The following STARD3 variants were observed in gnomAD, a reference collection of about 807,000 sequenced individuals.
STARD3 encodes the protein stAR-related lipid transfer protein 3.
STARD3 carries 39 observed loss-of-function variants against 62.0 expected under a neutral mutation model. That is an observed-to-expected ratio of 0.63 (90% CI 0.49 to 0.82). The LOEUF (loss-of-function observed/expected upper bound fraction) is 0.82, where lower values mean the gene tolerates loss of function less well. STARD3 is among the 40% of genes least tolerant of loss of function. The probability of loss-of-function intolerance (pLI) is 0.00; values close to 1 mark genes in which losing one functional copy is unlikely to be tolerated. For synonymous variants in STARD3, 229 were observed against 242.4 expected (o/e 0.94, Z 0.51); for missense variants, 543 against 584.5 (o/e 0.93, Z 0.73).
At position 39,657,624 on chromosome 17, in the gene STARD3, G is replaced by A. The variant is rs924001628; in HGVS notation, c.298-151G>A. 4 of 769,358 alleles carry A rather than the reference G, an allele frequency of 5.2e-6. No homozygotes were observed. The South Asian group carries it at 6.6e-5, about 13-fold the overall frequency. 47.7% of individuals were successfully genotyped at this position (769,358 alleles called of 1,614,324 possible). The stretch of plus-strand genomic sequence containing the variant: ...CCCTGTGCAAGGTTACATCCAAATT[G>A]TCCCAGAGACATGCTGACTCAGTCG... On this transcript the variant is annotated intron_variant, in intron 3 of 14. Coordinates refer to ENST00000336308, the MANE Select transcript of STARD3 (RefSeq NM_006804.4).
rs139432375 is a variant in STARD3 at position 39,662,317 on chromosome 17, T to G, written c.1206T>G (p.Phe402Leu). The change falls in exon 14 of 15, where the codon TTT (phenylalanine) becomes TTG (leucine). Residue 402 changes from phenylalanine (F) to leucine (L), a missense_variant. Coordinates refer to ENST00000336308, the MANE Select transcript of STARD3 (RefSeq NM_006804.4). ...KSASNPRVCT[F>L]VWILNTDLKG... ...CCAGTAACCCCCGTGTTTGCACCTT[T>G]GTCTGGATTCTTAATACAGATCTCA... 1.9e-6 allele frequency: 3 copies of G among 1,614,060 alleles called. No homozygotes were observed. The highest frequency in any genetic ancestry group is 2.5e-6 in the Non-Finnish European group (3 of 1,179,970).
At chr17:39,659,985 G>A (rs980091691) in intron 9 of STARD3, 1 of 587,686 alleles carries the variant, frequency 1.7e-6, no homozygotes, top group East Asian at 2.8e-5. Flanking sequence ...GGTTGCAGCT[G>A]CAGCTGTCCC....
chr17:39,659,551 A>G lies in STARD3; in HGVS notation c.793A>G (p.Asn265Asp), dbSNP rs2057171942. 6.2e-7 allele frequency: 1 copy of G among 1,614,096 alleles called. No individual in the cohort carries two copies. Among genetic ancestry groups the G allele is most frequent in the Non-Finnish European group, 8.5e-7 (1 of 1,179,966 alleles). The change falls in exon 9 of 15, where the codon AAT (asparagine) becomes GAT (aspartate). Residue 265 changes from asparagine (N) to aspartate (D), a missense_variant and splice_region_variant. Physicochemically the swap from Asn to Asp is conservative, Grantham distance 23 (BLOSUM62 1). Coordinates refer to ENST00000336308, the MANE Select transcript of STARD3 (RefSeq NM_006804.4). ...AGAGAACTGGAAGTTTGAGAAGAATAATGTAAGAAGCCCTCTCCCACCTGA... is the reference window on the plus strand; with the variant it reads ...AGAGAACTGGAAGTTTGAGAAGAATGATGTAAGAAGCCCTCTCCCACCTGA... ...QEENWKFEKNNEYGDTVYTIE... is the reference protein window; with the variant it reads ...QEENWKFEKNDEYGDTVYTIE...
At chr17:39,638,792 G>A (rs760316072) in intron 1 of STARD3, among the ~76,000 whole-genome samples, 48 of 152,338 alleles carry the variant, frequency 3.2e-4, no homozygotes, top group Middle Eastern at 3.4e-3. Context: ...AGGATTGAAT[G>A]GAATATTGTA....
intron 14 of STARD3, 23 bp from the exon 15 acceptor site, chr17:39,662,781 G>A (rs368676307): frequency 6.9e-6 from 11 of 1,595,170 alleles, no homozygotes; most frequent in African/African-American, 1.3e-5. Flanking sequence ...CATCAAGTGT[G>A]ACTTCTGCCT....
chr17:39,647,808 A>T (rs1332867827), intron 1 of STARD3, among the ~76,000 whole-genome samples: 2 of 152,214 alleles, frequency 1.3e-5, no homozygotes, highest in African/African-American at 4.8e-5. Flanking sequence ...TGAGGTTCCA[A>T]GTAAGGTATT....
intron 13 of STARD3, chr17:39,661,360 C>G (rs553294283): frequency 2.0e-6 from 1 of 492,020 alleles, no homozygotes; most frequent in African/African-American, 1.9e-5. Context: ...GATGGGGACC[C>G]GTGCAGGGAA....
At chr17:39,646,051 C>T (rs2057023710) in intron 1 of STARD3, among the ~76,000 whole-genome samples, 1 of 151,306 alleles carries the variant, frequency 6.6e-6, no homozygotes, top group African/African-American at 2.4e-5. Context: ...ACCACCACAC[C>T]CGGCTATTTT....
chr17:39,643,666 T>C (rs2056999924), intron 1 of STARD3, among the ~76,000 whole-genome samples: 2 of 152,170 alleles, frequency 1.3e-5, no homozygotes, highest in African/African-American at 4.8e-5. Flanking sequence ...TTCTACCCTC[T>C]GTGGAGTCTC....
chr17:39,656,971 T>G, intron 2 of STARD3, 37 bp from the exon 3 acceptor site: 1 of 1,610,834 alleles, frequency 6.2e-7, no homozygotes, highest in Non-Finnish European at 8.5e-7. Context: ...AGGCCCTTGC[T>G]TCTACCTGCA....
At position 39,663,262 on chromosome 17, in the gene STARD3, C is replaced by A. The variant is rs1391239084; in HGVS notation, c.*354C>A. On this transcript the variant is annotated 3_prime_UTR_variant, in exon 15 of 15. Transcript: ENST00000336308. The stretch of plus-strand genomic sequence containing the variant: ...CTGGGCAGGGCAGGGCAGCCTGTCA[C>A]CCGTGTGAAGATGAAGGGGCTCTTC... The A allele has an allele frequency of 5.0e-6, 2 of 398,750 alleles. No individual in the cohort carries two copies. The highest frequency in any genetic ancestry group is 4.4e-6 in the Non-Finnish European group (1 of 226,762). The allele number at this position is 398,750 out of a possible 1,614,324, so 24.7% of individuals were successfully genotyped here.
intron 1 of STARD3, among the ~76,000 whole-genome samples, chr17:39,642,992 A>G (rs2056994418): frequency 6.6e-6 from 1 of 152,012 alleles, no homozygotes; most frequent in Non-Finnish European, 1.5e-5. Flanking sequence ...TTACGCCTTT[A>G]TTCTGGGGAA....
intron 1 of STARD3, among the ~76,000 whole-genome samples, chr17:39,650,172 A>G (rs2057064100): frequency 6.6e-6 from 1 of 152,192 alleles, no homozygotes; most frequent in Admixed American, 6.5e-5. Context: ...TGCAGATGTG[A>G]TCAGTCAAGG....
intron 13 of STARD3, among the ~76,000 whole-genome samples, chr17:39,662,026 G>A (rs931287992): frequency 5.9e-5 from 9 of 152,144 alleles, no homozygotes; most frequent in African/African-American, 9.7e-5. Context: ...CCAACAGGCC[G>A]TTGTAGGAGG....
rs768398418 is a variant in STARD3 at position 39,661,061 on chromosome 17, A to T, written c.1115A>T (p.Lys372Met). 16 of 1,613,636 alleles carry T rather than the reference A, an allele frequency of 9.9e-6. No homozygotes were observed. The South Asian group carries it at 1.8e-4, about 18-fold the overall frequency. ...GGGATCGCCACCTCACACAGTGCCAAGCCCCCGACGCACAAATATGTCCGG... is the reference window on the plus strand; with the variant it reads ...GGGATCGCCACCTCACACAGTGCCATGCCCCCGACGCACAAATATGTCCGG... ...SSGIATSHSA[K>M]PPTHKYVRGE... The change falls in exon 13 of 15, where the codon AAG becomes ATG. Residue 372 changes from lysine (K) to methionine (M), a missense_variant. Lys to Met is a moderately conservative substitution (Grantham distance 95). Coordinates refer to ENST00000336308, the MANE Select transcript of STARD3 (RefSeq NM_006804.4).
At chr17:39,658,665 A>G (rs775605493) in intron 6 of STARD3, 57 bp from the exon 7 acceptor site, 2 of 1,604,264 alleles carry the variant, frequency 1.2e-6, no homozygotes, top group Admixed American at 1.7e-5. Context: ...GGGTGGGGGT[A>G]CCCCAGGCTG....
Position 39,658,757 on chromosome 17 carries a change from C to G in STARD3, c.583C>G (p.Pro195Ala). 1 of 1,614,016 alleles carries G rather than the reference C, an allele frequency of 6.2e-7. No individual in the cohort carries two copies. The highest frequency in any genetic ancestry group is 1.1e-5 in the South Asian group (1 of 91,078). ...LAAQVAVARG[P>A]LLFSGALSEG... ...CGCCCAGGTTGCTGTTGCCCGTGGA[C>G]CCCTGCTGTTCTCCGGTGCTCTGTC... Residue 195 changes from proline (P) to alanine (A), a missense_variant, in exon 7 of 15, where the codon CCC becomes GCC. Physicochemically the swap from Pro to Ala is conservative, Grantham distance 27 (BLOSUM62 -1). Coordinates refer to ENST00000336308, the MANE Select transcript of STARD3 (RefSeq NM_006804.4).
At chr17:39,642,802 A>G (rs1250230504) in intron 1 of STARD3, among the ~76,000 whole-genome samples, 1 of 152,120 alleles carries the variant, frequency 6.6e-6, no homozygotes, top group Non-Finnish European at 1.5e-5. Context: ...CATTGGAATG[A>G]GAGAGCAAGT....
intron 1 of STARD3, among the ~76,000 whole-genome samples, chr17:39,640,789 G>A (rs1195363658): frequency 1.3e-5 from 2 of 150,654 alleles, no homozygotes; most frequent in Non-Finnish European, 3.0e-5. Context: ...GGGTCTTCCT[G>A]TACACTGCAC....
Sources: allele counts gnomAD v4.1 joint callset (sites outside exome capture counted in the v4.1 genomes callset), GRCh38; gene constraint gnomAD v4.1.1; transcripts MANE v1.5; gene names NCBI Gene and HGNC (gene_info 2026-07-23, HGNC 2026-07-21).